The following RTN4IP1 variants were observed in gnomAD, a reference collection of about 807,000 sequenced individuals.
RTN4IP1 encodes NAD(P)H oxidoreductase RTN4IP1, mitochondrial.
A neutral mutation model predicts 46.6 loss-of-function variants in RTN4IP1; 32 were observed. That is an observed-to-expected ratio of 0.69 (90% CI 0.52 to 0.92). The LOEUF is 0.92. Among genes scored for constraint, RTN4IP1 ranks in the 40% least tolerant of loss-of-function variants. The pLI, the probability that RTN4IP1 is intolerant of heterozygous loss-of-function variation, is 0.00. For synonymous variants in RTN4IP1, 167 were observed against 161.8 expected, an observed-to-expected ratio of 1.03 and a Z score of -0.24; for missense variants, 424 against 485.8, an observed-to-expected ratio of 0.87 and a Z score of 1.20.
intron 1 of RTN4IP1, among the ~76,000 whole-genome samples, chr6:106,625,939 AGCCACTGT>A (rs1562158264): frequency 6.6e-6 from 1 of 152,036 alleles, no homozygotes; most frequent in Non-Finnish European, 1.5e-5. Context: ...TACAGGTGTG[AGCCACTGT>A]GCCCAGCCTT....
chr6:106,628,501 C>G lies in RTN4IP1; in HGVS notation c.274+247G>C, dbSNP rs371806931. Among the ~76,000 whole-genome samples the G allele has an allele frequency of 1.2e-4, 19 of 152,048 alleles. No homozygotes were observed. In the East Asian group the frequency reaches 3.1e-3, roughly 25 times the overall value. ...AAAAGTTAGCTACAGACACAGTTCT[C>G]AAGTCTGAACTTACATATTTAAGGA... On this transcript the variant is annotated intron_variant, in intron 1 of 8. Transcript: ENST00000369063.
chr6:106,624,029 T>C (rs1404748660), intron 1 of RTN4IP1, among the ~76,000 whole-genome samples: 2 of 152,184 alleles, frequency 1.3e-5, no homozygotes, highest in Non-Finnish European at 2.9e-5. Flanking sequence ...TGTTCTGATG[T>C]GTAAAATCAA....
intron 4 of RTN4IP1, among the ~76,000 whole-genome samples, chr6:106,612,655 T>TACCTACTCCACCCTTACTCATTCTCATC (rs57330586): frequency 1.3e-5 from 2 of 151,728 alleles, no homozygotes; most frequent in African/African-American, 2.4e-5. Context: ...CTTTTACAAT[T>TACCTACTCCACCCTTACTCATTCTCATC]ACCTGCTCCA....
chr6:106,595,163 T>A (rs1209532253), intron 5 of RTN4IP1, among the ~76,000 whole-genome samples: 1 of 152,226 alleles, frequency 6.6e-6, no homozygotes, highest in Non-Finnish European at 1.5e-5. Context: ...AATTTATCTA[T>A]GGAAGAATCT....
At chr6:106,591,721 A>G (rs1775668114) in intron 6 of RTN4IP1, among the ~76,000 whole-genome samples, 1 of 152,138 alleles carries the variant, frequency 6.6e-6, no homozygotes, top group Admixed American at 6.5e-5. Flanking sequence ...GGGAACATCC[A>G]CAGTGCTCCC....
intron 2 of RTN4IP1, 114 bp downstream of exon 2, chr6:106,622,704 C>T (rs2114681599): frequency 9.2e-7 from 1 of 1,087,574 alleles, no homozygotes; most frequent in African/African-American, 1.6e-5. Flanking sequence ...GAGCAGAAGC[C>T]CCTTAGCTGC....
At chr6:106,573,045 C>T (rs1018830623) in intron 8 of RTN4IP1, among the ~76,000 whole-genome samples, 1 of 152,232 alleles carries the variant, frequency 6.6e-6, no homozygotes, top group African/African-American at 2.4e-5. Context: ...CTTTGCTAAA[C>T]AACGGTGCAG....
chr6:106,606,507 A>G (rs1354455670), intron 4 of RTN4IP1, among the ~76,000 whole-genome samples: 3 of 152,150 alleles, frequency 2.0e-5, no homozygotes, highest in Non-Finnish European at 2.9e-5. Flanking sequence ...ACTAGCTGAA[A>G]AAGAAATCAA....
intron 2 of RTN4IP1, 113 bp downstream of exon 2, chr6:106,622,705 C>T (rs1289467943): frequency 1.8e-6 from 2 of 1,109,296 alleles, no homozygotes; most frequent in Non-Finnish European, 2.5e-6. Flanking sequence ...AGCAGAAGCC[C>T]CTTAGCTGCA....
intron 4 of RTN4IP1, among the ~76,000 whole-genome samples, chr6:106,604,177 A>AT (rs886400759): frequency 1.3e-5 from 2 of 151,998 alleles, no homozygotes; most frequent in African/African-American, 2.4e-5. Flanking sequence ...GTTTCATTTC[A>AT]TTTTTTTCTA....
chr6:106,596,184 G>A (rs1378153652), intron 5 of RTN4IP1, among the ~76,000 whole-genome samples: 1 of 125,178 alleles, frequency 8.0e-6, no homozygotes, highest in East Asian at 2.1e-4. Context: ...TTGTGCTCTA[G>A]ATCTGAAATC....
At position 106,589,906 on chromosome 6, in the gene RTN4IP1, A is replaced by G. The variant is rs371185104; in HGVS notation, c.807-2044T>C. Among the ~76,000 whole-genome samples the G allele has an allele frequency of 6.6e-5, 10 of 152,344 alleles. No individual in the cohort carries two copies. In the East Asian group the frequency reaches 1.7e-3, roughly 26 times the overall value. On this transcript the variant is annotated intron_variant, in intron 6 of 8. Transcript: ENST00000369063. ...AGCGAAAGGAGCAAGACCACTTGCC[A>G]GGAAGAGATGCCAAGGAGGGAAGCA...
intron 6 of RTN4IP1, among the ~76,000 whole-genome samples, chr6:106,591,420 C>CTT (rs35262095): frequency 0.033 from 4,997 of 151,990 alleles, 268 homozygotes; most frequent in East Asian, 0.2. Context: ...TAAGGACTCC[C>CTT]TTTTTTTTCT....
intron 5 of RTN4IP1, among the ~76,000 whole-genome samples, chr6:106,595,035 C>T (rs1775749507): frequency 6.6e-6 from 1 of 152,130 alleles, no homozygotes; most frequent in Non-Finnish European, 1.5e-5. Flanking sequence ...CTCCTGAGCT[C>T]ACGTGATCCA....
chr6:106,619,771 C>A (rs1407634987), intron 3 of RTN4IP1, among the ~76,000 whole-genome samples: 5 of 149,074 alleles, frequency 3.4e-5, no homozygotes, highest in Non-Finnish European at 7.4e-5. Context: ...GCCACTGCGC[C>A]CAGCTAATTT....
chr6:106,618,554 T>G (rs2114675929), intron 4 of RTN4IP1, among the ~76,000 whole-genome samples: 1 of 152,292 alleles, frequency 6.6e-6, no homozygotes, highest in Non-Finnish European at 1.5e-5. Context: ...CAAAACTCAT[T>G]AAAAAGTGAG....
In RTN4IP1 at chr6:106,592,224, G is replaced by C. The variant is rs1246475973; in HGVS notation, c.746C>G (p.Ala249Gly). Reference protein sequence around the residue: ...DASELVRKLGADDVIDYKSGS... With the variant: ...DASELVRKLGGDDVIDYKSGS... ...AGATTTGTAATCAATTACATCGTCT[G>C]CACCAAGCTTCCTTACAAGTTCACT... The change falls in exon 6 of 9, where the codon GCA becomes GGA. Residue 249 changes from alanine to glycine, a missense_variant. Transcript: ENST00000369063. 1 of 1,613,892 alleles carries C rather than the reference G, an allele frequency of 6.2e-7. No individual in the cohort carries two copies. Among genetic ancestry groups the C allele is most frequent in the African/African-American group, 1.3e-5 (1 of 74,878 alleles).
chr6:106,571,835 T>A lies in RTN4IP1; in HGVS notation c.*161A>T, dbSNP rs931414649. 1.8e-6 allele frequency: 1 copy of A among 565,348 alleles called. No individual in the cohort carries two copies. The highest frequency in any genetic ancestry group is 3.1e-6 in the Non-Finnish European group (1 of 318,054). 35.0% of individuals were successfully genotyped at this position (565,348 alleles called of 1,614,324 possible). ...AAATCCAAGTGCTGATATTTTTATA[T>A]CAATTACTGGCCAAAATGGTGTGTT... On this transcript the variant is annotated 3_prime_UTR_variant, in exon 9 of 9. Coordinates refer to ENST00000369063, the MANE Select transcript of RTN4IP1 (RefSeq NM_032730.5).
chr6:106,619,068 A>G (rs1014385852), intron 4 of RTN4IP1, 134 bp downstream of exon 4: 3 of 995,596 alleles, frequency 3.0e-6, no homozygotes, highest in Non-Finnish European at 4.4e-6. Context: ...TGCTTTGGAA[A>G]TTGTTTTCAA....
Sources: gnomAD v4.1 joint callset for allele counts (sites outside exome capture counted in the v4.1 genomes callset) on GRCh38, gnomAD v4.1.1 for gene constraint, MANE v1.5 for transcripts, NCBI Gene and HGNC (gene_info 2026-07-23, HGNC 2026-07-21) for gene names.